Variants in BNIPL observed in about 807,000 individuals in gnomAD.
BNIPL encodes the protein BCL2 interacting protein like, also known as bcl-2/adenovirus E1B 19 kDa-interacting protein 2-like protein.
A neutral mutation model predicts 47.0 loss-of-function variants in BNIPL; 33 were observed. The observed-to-expected ratio is 0.70, with a 90% confidence interval of 0.53 to 0.94. BNIPL has a LOEUF of 0.94. Ranked by LOEUF, BNIPL falls within the 40% of genes least tolerant of loss-of-function variation. BNIPL has a pLI of 0.00. For missense variants in BNIPL, 404 were observed against 445.2 expected, an observed-to-expected ratio of 0.91 and a Z score of 0.83; for synonymous variants, 145 against 162.7, an observed-to-expected ratio of 0.89 and a Z score of 0.83.
intron 9 of BNIPL, 55 bp downstream of exon 9, chr1:151,046,220 C>G (rs1571845087): frequency 6.2e-7 from 1 of 1,602,214 alleles, no homozygotes; most frequent in Non-Finnish European, 8.5e-7. Context: ...AAGCCAATCT[C>G]TACTTTTTTA....
At chr1:151,040,633 T>TA (rs1380290569) in intron 4 of BNIPL, among the ~76,000 whole-genome samples, 1 of 151,006 alleles carries the variant, frequency 6.6e-6, no homozygotes, top group Non-Finnish European at 1.5e-5. Flanking sequence ...CCATCTCTAC[T>TA]AAAAATACAA....
At chr1:151,046,342 G>T (rs1676021792) in intron 9 of BNIPL, among the ~76,000 whole-genome samples, 177 bp downstream of exon 9, 1 of 149,050 alleles carries the variant, frequency 6.7e-6, no homozygotes, top group African/African-American at 2.5e-5. Flanking sequence ...GGACACTACT[G>T]CATCCAACAA....
intron 3 of BNIPL, 91 bp from the exon 4 acceptor site, chr1:151,038,705 C>A: frequency 3.9e-6 from 6 of 1,555,054 alleles, no homozygotes; most frequent in Non-Finnish European, 5.2e-6. Flanking sequence ...GCATTCACCC[C>A]ATATTATCAC....
Position 151,036,762 on chromosome 1 carries a change from G to T in BNIPL, c.37G>T (p.Val13Phe). 6.2e-7 allele frequency: 1 copy of T among 1,609,334 alleles called. No homozygotes were observed. The highest frequency in any genetic ancestry group is 8.5e-7 in the Non-Finnish European group (1 of 1,175,678). The change falls in exon 1 of 10, where the codon GTT (valine) becomes TTT (phenylalanine). Residue 13 changes from valine to phenylalanine, a missense_variant. Transcript: ENST00000368931. ...ACAAGAGGCAGGAAAAAAGACAGATGTTGGGTAAGTAAGATCTTGGCTCAC... is the reference window on the plus strand; with the variant it reads ...ACAAGAGGCAGGAAAAAAGACAGATTTTGGGTAAGTAAGATCTTGGCTCAC... ...TIQEAGKKTD[V>F]GVREIAEAPE... is the part of the protein sequence containing the mutation.
At chr1:151,043,495 CT>C in intron 6 of BNIPL, 61 bp downstream of exon 6, 1 of 1,555,016 alleles carries the variant, frequency 6.4e-7, no homozygotes, top group Admixed American at 1.7e-5. Context: ...TAAAAAAGAA[CT>C]CCTTCAAAGA....
intron 4 of BNIPL, among the ~76,000 whole-genome samples, chr1:151,041,024 AT>A (rs796868259): frequency 6.6e-6 from 1 of 151,676 alleles, no homozygotes; most frequent in Non-Finnish European, 1.5e-5. Context: ...TACAAAAAAA[AT>A]TTTTTTTAAA....
chr1:151,045,528 C>T (rs1675985761), intron 7 of BNIPL: 1 of 389,070 alleles, frequency 2.6e-6, no homozygotes, highest in African/African-American at 2.4e-5. Context: ...CACTACACTC[C>T]AGCCCAGGCG....
chr1:151,045,267 A>G (rs1675972650), intron 7 of BNIPL, among the ~76,000 whole-genome samples: 1 of 10,034 alleles, frequency 1.0e-4, no homozygotes. Flanking sequence ...ATTCCATCTC[A>G]AAAAAAAAAA....
intron 2 of BNIPL, among the ~76,000 whole-genome samples, chr1:151,038,089 CAG>C (rs1269958180): frequency 7.6e-6 from 1 of 131,714 alleles, no homozygotes; most frequent in Non-Finnish European, 1.6e-5. Context: ...AAAAAGAAAA[CAG>C]AGGCCGGGCG....
At chr1:151,038,752 A>AAC (rs747058497) in intron 3 of BNIPL, 44 bp from the exon 4 acceptor site, 68 of 1,556,066 alleles carry the variant, frequency 4.4e-5, no homozygotes, top group Non-Finnish European at 5.6e-5. Flanking sequence ...TCGGCTCTCC[A>AAC]ACACACACAC....
intron 7 of BNIPL, chr1:151,044,955 A>G (rs1675954781): frequency 7.8e-7 from 1 of 1,287,142 alleles, no homozygotes; most frequent in African/African-American, 1.5e-5. Flanking sequence ...AGAGCACAAG[A>G]TGGAAATGGA....
chr1:151,037,499 T>G, intron 1 of BNIPL, 68 bp from the exon 2 acceptor site: 2 of 1,538,640 alleles, frequency 1.3e-6, no homozygotes, highest in Non-Finnish European at 1.8e-6. Context: ...CAATTACTGT[T>G]CTTCATTTCA....
At chr1:151,039,049 C>T in intron 4 of BNIPL, 23 bp downstream of exon 4, 3 of 1,543,278 alleles carry the variant, frequency 1.9e-6, no homozygotes, top group Non-Finnish European at 2.6e-6. Context: ...CCAGAGGACT[C>T]AGCTGGTAGA....
intron 7 of BNIPL, chr1:151,045,013 C>G: frequency 2.5e-6 from 3 of 1,210,436 alleles, no homozygotes; most frequent in Non-Finnish European, 3.2e-6. Context: ...GTCTGTAATC[C>G]CAGCACTTTG....
chr1:151,043,576 C>G lies in BNIPL; in HGVS notation c.720-20C>G. 2 of 1,605,238 alleles carry G rather than the reference C, an allele frequency of 1.2e-6. No homozygotes were observed. Among genetic ancestry groups the G allele is most frequent in the Non-Finnish European group, 1.7e-6 (2 of 1,172,406 alleles). On this transcript the variant is annotated intron_variant, in intron 6 of 9. Transcript: ENST00000368931. Reference sequence around the variant, plus strand: ...CTGAAGCCCCTAACACATACCTTCCCTGCAATTTCATCCCCCCAGGTATAT... The same window carrying G: ...CTGAAGCCCCTAACACATACCTTCCGTGCAATTTCATCCCCCCAGGTATAT...
At chr1:151,037,124 T>C (rs587653599) in intron 1 of BNIPL, among the ~76,000 whole-genome samples, 46 of 152,282 alleles carry the variant, frequency 3.0e-4, no homozygotes, top group Non-Finnish European at 5.4e-4. Flanking sequence ...TTCTGGCAAA[T>C]CTTTCTCCTT....
intron 1 of BNIPL, chr1:151,037,231 C>G: frequency 1.4e-6 from 1 of 709,528 alleles, no homozygotes; most frequent in Non-Finnish European, 1.8e-6. Flanking sequence ...ACCGTCTTCC[C>G]GACTTTGCTC....
intron 7 of BNIPL, 35 bp downstream of exon 7, chr1:151,043,762 T>G: frequency 1.3e-6 from 2 of 1,557,104 alleles, no homozygotes; most frequent in South Asian, 2.3e-5. Flanking sequence ...CAACTCTCTA[T>G]CTCATCTTTT....
In BNIPL at chr1:151,037,617, G is replaced by C. The variant is rs1675660286; in HGVS notation, c.92G>C (p.Gly31Ala). Reference protein sequence around the residue: ...APELGAALRHGELELKEEWQD... With the variant: ...APELGAALRHAELELKEEWQD... ...GAACTAGGAGCAGCCCTGAGACATG[G>C]GGAGTTGGAGCTGAAGGAGGAATGG... The change falls in exon 2 of 10, where the codon GGG (glycine) becomes GCG (alanine). Residue 31 changes from glycine to alanine, a missense_variant. Physicochemically the swap from Gly to Ala is moderately conservative, Grantham distance 60. Transcript: ENST00000368931. 6.2e-7 allele frequency: 1 copy of C among 1,607,206 alleles called. No individual in the cohort carries two copies. Among genetic ancestry groups the C allele is most frequent in the African/African-American group, 1.3e-5 (1 of 74,876 alleles).
Sources: gnomAD v4.1 joint callset for allele counts (sites outside exome capture counted in the v4.1 genomes callset) on GRCh38, gnomAD v4.1.1 for gene constraint, MANE v1.5 for transcripts, NCBI Gene and HGNC (gene_info 2026-07-23, HGNC 2026-07-21) for gene names.